CAST: variants seen among roughly 807,000 people sequenced by gnomAD.
The protein encoded by CAST is calpastatin, also known as MIR583 host.
CAST carries 76 observed loss-of-function variants against 119.6 expected under a neutral mutation model. The observed-to-expected ratio is 0.64, with a 90% confidence interval of 0.53 to 0.77. The LOEUF (loss-of-function observed/expected upper bound fraction) is 0.77. Ranked by LOEUF, CAST falls within the 30% of genes least tolerant of loss-of-function variation. The probability of loss-of-function intolerance (pLI) is 0.00; values close to 1 mark genes in which losing one functional copy is unlikely to be tolerated. For missense variants in CAST, 953 were observed against 946.5 expected (o/e 1.01, Z -0.09); for synonymous variants, 319 against 331.6 (o/e 0.96, Z 0.41).
chr5:96,147,159 A>G, the CAST span, among the ~76,000 whole-genome samples: 4 of 152,184 alleles, frequency 2.6e-5, no homozygotes, highest in African/African-American at 9.7e-5. Flanking sequence ...AATTATTCCA[A>G]CATTGTCATT....
At chr5:96,044,478 A>G in the CAST span, among the ~76,000 whole-genome samples, 1 of 152,208 alleles carries the variant, frequency 6.6e-6, no homozygotes, top group Non-Finnish European at 1.5e-5. Context: ...CTCCAGTACT[A>G]TGAGAAATAA....
chr5:96,291,638 A>T, the CAST span, among the ~76,000 whole-genome samples: 1 of 152,042 alleles, frequency 6.6e-6, no homozygotes, highest in Non-Finnish European at 1.5e-5. Context: ...GTGGAGGTGA[A>T]TGGGGCTCAG....
intron 1 of CAST, among the ~76,000 whole-genome samples, chr5:96,586,872 C>T (rs1746870259): frequency 6.6e-6 from 1 of 152,154 alleles, no homozygotes. Context: ...GTTAAGCCCT[C>T]TATGTATGTG....
the CAST span, among the ~76,000 whole-genome samples, chr5:96,160,365 T>C: frequency 6.6e-6 from 1 of 152,134 alleles, no homozygotes; most frequent in African/African-American, 2.4e-5. Flanking sequence ...TCATACAACA[T>C]GTAGCCTTAT....
In CAST at chr5:96,747,775, C is replaced by T. The variant is rs1490742857; in HGVS notation, c.1332+383C>T. ...CATACAATCAGCAACATTTATTAATCGCTTGCTATGCACCTGGCACTGCAC... is the reference window on the plus strand; with the variant it reads ...CATACAATCAGCAACATTTATTAATTGCTTGCTATGCACCTGGCACTGCAC... On this transcript the variant is annotated intron_variant, in intron 18 of 31. Transcript: ENST00000675179. Among the ~76,000 whole-genome samples the T allele has an allele frequency of 2.0e-5, 3 of 152,142 alleles. No homozygotes were observed. The East Asian group carries it at 5.8e-4, about 29-fold the overall frequency.
At chr5:96,397,103 T>C in the CAST span, among the ~76,000 whole-genome samples, 1 of 152,210 alleles carries the variant, frequency 6.6e-6, no homozygotes, top group East Asian at 1.9e-4. Flanking sequence ...TGTCACATTG[T>C]TTATATAAGT....
At chr5:96,590,630 G>A (rs1428726989) in intron 1 of CAST, among the ~76,000 whole-genome samples, 2 of 152,156 alleles carry the variant, frequency 1.3e-5, no homozygotes, top group Non-Finnish European at 2.9e-5. Flanking sequence ...TTGATGGGAC[G>A]AACCAGAGGG....
the CAST span, among the ~76,000 whole-genome samples, chr5:96,469,429 T>A: frequency 0.71 from 108,431 of 151,926 alleles, 39,358 homozygotes; most frequent in African/African-American, 0.83. Context: ...TCCTTTCTCC[T>A]ATAGGAATTT....
intron 1 of CAST, among the ~76,000 whole-genome samples, chr5:96,545,913 C>T (rs1215158968): frequency 6.6e-6 from 1 of 152,238 alleles, no homozygotes; most frequent in Non-Finnish European, 1.5e-5. Flanking sequence ...AGTCTAACCA[C>T]ATATCTTCCC....
intron 1 of CAST, among the ~76,000 whole-genome samples, chr5:96,644,271 G>A (rs975395709): frequency 3.3e-5 from 5 of 152,146 alleles, no homozygotes; most frequent in Non-Finnish European, 7.3e-5. Context: ...GTGAAAGTCT[G>A]TCATTTAAAT....
At chr5:96,079,106 A>G in the CAST span, 10 of 470,730 alleles carry the variant, frequency 2.1e-5, no homozygotes, top group East Asian at 6.9e-5. Context: ...AAACCTATTT[A>G]AATGATAGGA....
At chr5:96,377,267 A>G in the CAST span, among the ~76,000 whole-genome samples, 3,175 of 152,210 alleles carry the variant, frequency 0.021, 66 homozygotes, top group South Asian at 0.029. Flanking sequence ...ATATCTATTT[A>G]TGAATTTAGT....
At chr5:96,622,919 A>T (rs537236270) in intron 1 of CAST, among the ~76,000 whole-genome samples, 2 of 122,344 alleles carry the variant, frequency 1.6e-5, no homozygotes, top group East Asian at 5.5e-4. Flanking sequence ...GCTGGAGTGC[A>T]GTGGCGGGAT....
chr5:96,020,203 A>G, the CAST span, among the ~76,000 whole-genome samples: 2 of 152,224 alleles, frequency 1.3e-5, no homozygotes, highest in Admixed American at 6.5e-5. Flanking sequence ...ATTGCCTCCC[A>G]TATCAGAATT....
chr5:96,314,822 G>A, the CAST span, among the ~76,000 whole-genome samples: 4 of 152,210 alleles, frequency 2.6e-5, no homozygotes, highest in East Asian at 1.9e-4. Context: ...CATGCTGATC[G>A]TTACTGACTT....
the CAST span, among the ~76,000 whole-genome samples, chr5:96,211,427 G>T: frequency 6.6e-6 from 1 of 151,872 alleles, no homozygotes; most frequent in Admixed American, 6.6e-5. Flanking sequence ...TCTGTTAAAT[G>T]GTGGATTACA....
chr5:96,329,488 T>A, the CAST span, among the ~76,000 whole-genome samples: 4 of 152,044 alleles, frequency 2.6e-5, no homozygotes, highest in African/African-American at 9.7e-5. Context: ...TGCTGTAAAT[T>A]TTACAGGGAT....
At chr5:96,009,479 A>C in the CAST span, among the ~76,000 whole-genome samples, 2 of 152,216 alleles carry the variant, frequency 1.3e-5, no homozygotes, top group East Asian at 1.9e-4. Context: ...TTGACTTTTT[A>C]ATAATAGTCA....
intron 1 of CAST, among the ~76,000 whole-genome samples, chr5:96,536,242 C>T (rs546758806): frequency 6.6e-6 from 1 of 151,956 alleles, no homozygotes; most frequent in Admixed American, 6.5e-5. Context: ...GCCTGTAATC[C>T]CAGTTACTAG....
Sources: allele counts gnomAD v4.1 joint callset (sites outside exome capture counted in the v4.1 genomes callset), GRCh38; gene constraint gnomAD v4.1.1; transcripts MANE v1.5; gene names NCBI Gene and HGNC (gene_info 2026-07-23, HGNC 2026-07-21).